The following PDE4D variants were observed in gnomAD, a reference collection of about 807,000 sequenced individuals.
PDE4D encodes 3',5'-cyclic-AMP phosphodiesterase 4D.
A neutral mutation model predicts 87.4 loss-of-function variants in PDE4D; 24 were observed. That is an observed-to-expected ratio of 0.27 (90% CI 0.20 to 0.39). PDE4D has a LOEUF of 0.39. PDE4D is among the 10% of genes least tolerant of loss of function. The pLI is 1.00. For synonymous variants in PDE4D, 384 were observed against 383.2 expected (o/e 1.00, Z -0.02); for missense variants, 714 against 1,041.0 (o/e 0.69, Z 4.32).
intron 2 of PDE4D, among the ~76,000 whole-genome samples, chr5:60,149,896 T>G (rs1165914037): frequency 1.4e-5 from 2 of 147,434 alleles, no homozygotes; most frequent in Admixed American, 1.4e-4. Context: ...GTACATATTA[T>G]ATATACTAGT....
chr5:60,473,124 A>G (rs61003452), intron 1 of PDE4D, among the ~76,000 whole-genome samples: 2,907 of 80,930 alleles, frequency 0.036, 71 homozygotes, highest in African/African-American at 0.077. Context: ...AGAGAGAAAG[A>G]AAGGAAGGAA....
At chr5:59,380,314 T>C (rs6872808) in intron 1 of PDE4D, among the ~76,000 whole-genome samples, 10,706 of 146,748 alleles carry the variant, frequency 0.073, 1,093 homozygotes, top group African/African-American at 0.23. Flanking sequence ...AAAAAAACTA[T>C]TAGGAAATGA....
intron 1 of PDE4D, among the ~76,000 whole-genome samples, chr5:60,266,741 G>A (rs1750250265): frequency 6.6e-6 from 1 of 152,196 alleles, no homozygotes; most frequent in South Asian, 2.1e-4. Context: ...GAGAGCAGGA[G>A]GAAGACACCC....
chr5:59,309,328 A>G (rs1772092173), intron 1 of PDE4D, among the ~76,000 whole-genome samples: 1 of 152,138 alleles, frequency 6.6e-6, no homozygotes, highest in South Asian at 2.1e-4. Flanking sequence ...TTCTCCCTGT[A>G]GAGTTTTACC....
chr5:59,352,092 G>A (rs995626842), intron 1 of PDE4D, among the ~76,000 whole-genome samples: 15 of 152,066 alleles, frequency 9.9e-5, no homozygotes, highest in Non-Finnish European at 1.9e-4. Flanking sequence ...TCCACCTCCC[G>A]AGGCTGTTTT....
intron 1 of PDE4D, among the ~76,000 whole-genome samples, chr5:60,375,418 T>C (rs1188595991): frequency 6.6e-6 from 1 of 152,196 alleles, no homozygotes; most frequent in Admixed American, 6.5e-5. Flanking sequence ...TTATAACCAA[T>C]TTTATTATGT....
intron 1 of PDE4D, among the ~76,000 whole-genome samples, chr5:59,456,182 G>C (rs191769722): frequency 3.7e-4 from 56 of 152,308 alleles, no homozygotes; most frequent in Non-Finnish European, 6.5e-4. Flanking sequence ...TGGTTTGGCT[G>C]TGTCCCCATC....
intron 1 of PDE4D, among the ~76,000 whole-genome samples, chr5:59,762,891 A>ATC (rs1762338073): frequency 2.5e-5 from 3 of 117,648 alleles, no homozygotes; most frequent in Non-Finnish European, 5.4e-5. Flanking sequence ...ATATATATAT[A>ATC]TAGCTTGCTC....
chr5:60,157,881 C>T (rs115424788), intron 2 of PDE4D, among the ~76,000 whole-genome samples: 1,569 of 125,056 alleles, frequency 0.013, 34 homozygotes, highest in East Asian at 0.046. Context: ...CTTTTCCTTT[C>T]CCTTTCTTTC....
intron 1 of PDE4D, among the ~76,000 whole-genome samples, chr5:59,772,984 A>C (rs1763728530): frequency 1.3e-5 from 2 of 152,222 alleles, no homozygotes; most frequent in South Asian, 4.1e-4. Flanking sequence ...TGATGATAGT[A>C]GCTATTGCAA....
chr5:60,409,372 AG>A (rs1371974095), intron 1 of PDE4D, among the ~76,000 whole-genome samples: 5 of 151,662 alleles, frequency 3.3e-5, no homozygotes, highest in African/African-American at 1.2e-4. Flanking sequence ...AGAGATGGGG[AG>A]GGGGCAGAGG....
At chr5:59,265,505 A>G (rs1762718366) in intron 1 of PDE4D, among the ~76,000 whole-genome samples, 1 of 152,066 alleles carries the variant, frequency 6.6e-6, no homozygotes, top group Non-Finnish European at 1.5e-5. Flanking sequence ...CAGCTTTCAC[A>G]TTTAGAGTTC....
intron 1 of PDE4D, among the ~76,000 whole-genome samples, chr5:59,491,227 G>A (rs1806125156): frequency 1.3e-5 from 2 of 152,148 alleles, no homozygotes; most frequent in South Asian, 4.1e-4. Flanking sequence ...AATAAAATGA[G>A]TAAGTAAATA....
At chr5:59,085,553 T>C (rs1035304163) in intron 5 of PDE4D, among the ~76,000 whole-genome samples, 21 of 152,184 alleles carry the variant, frequency 1.4e-4, no homozygotes, top group African/African-American at 4.8e-4. Context: ...TGCAAACAAC[T>C]ACCCTCTTGA....
At chr5:59,825,720 T>C (rs1362732498) in intron 1 of PDE4D, among the ~76,000 whole-genome samples, 2 of 152,178 alleles carry the variant, frequency 1.3e-5, no homozygotes, top group Non-Finnish European at 1.5e-5. Context: ...CCTTCTGAGT[T>C]GAACAACTTG....
chr5:58,973,167 T>TGTTA lies in PDE4D; in HGVS notation c.*1493_*1496dup, dbSNP rs1168596117. On this transcript the variant is annotated 3_prime_UTR_variant, in exon 15 of 15. Transcript: ENST00000340635. ...GTTGTATTGGTGTTTGTTAATATAT[T>TGTTA]GTTAATATTCTTAAAAACTGCCTAG... is the stretch of plus-strand genomic sequence containing the variant. 1 of 152,198 alleles carries TGTTA rather than the reference T, an allele frequency of 6.6e-6. No individual in the cohort carries two copies. The highest frequency in any genetic ancestry group is 1.5e-5 in the Non-Finnish European group (1 of 68,036). The allele number at this position is 152,198 out of a possible 1,614,324, so 9.4% of individuals were successfully genotyped here. A position where few individuals can be genotyped will look rare whatever the true frequency, so the allele number is the denominator to read the frequency against.
intron 1 of PDE4D, among the ~76,000 whole-genome samples, chr5:59,672,669 G>A (rs1465117559): frequency 6.6e-6 from 1 of 152,002 alleles, no homozygotes; most frequent in Admixed American, 6.6e-5. Context: ...TCAACTTGAT[G>A]TAATACAAAA....
chr5:59,340,800 G>C (rs1480172646), intron 1 of PDE4D, among the ~76,000 whole-genome samples: 1 of 151,936 alleles, frequency 6.6e-6, no homozygotes, highest in Non-Finnish European at 1.5e-5. Flanking sequence ...TCTGTGTGTG[G>C]CTTATTTCAC....
chr5:59,896,396 G>C (rs953096279), upstream of PDE4D, among the ~76,000 whole-genome samples: 2 of 152,000 alleles, frequency 1.3e-5, no homozygotes, highest in Non-Finnish European at 2.9e-5. Context: ...GTTGAACCTA[G>C]AGCAGTGATT....
Sources: gnomAD v4.1 joint callset for allele counts (sites outside exome capture counted in the v4.1 genomes callset) on GRCh38, gnomAD v4.1.1 for gene constraint, MANE v1.5 for transcripts, NCBI Gene and HGNC (gene_info 2026-07-23, HGNC 2026-07-21) for gene names.